Variants in CHLSN observed in about 807,000 individuals in gnomAD.
The protein encoded by CHLSN is protein cholesin.
At chr7:985,808 C>A in the CHLSN span, among the ~76,000 whole-genome samples, 1 of 152,300 alleles carries the variant, frequency 6.6e-6, no homozygotes, top group East Asian at 1.9e-4. Context: ...GTGCGTTTAC[C>A]GAAGCCTGCA....
At chr7:988,122 G>T in the CHLSN span, among the ~76,000 whole-genome samples, 2 of 152,118 alleles carry the variant, frequency 1.3e-5, no homozygotes, top group Admixed American at 1.3e-4. Context: ...GGGGTCATGT[G>T]GCCTCCCTGG....
the CHLSN span, among the ~76,000 whole-genome samples, chr7:1,122,716 G>T: frequency 1.3e-5 from 2 of 152,172 alleles, no homozygotes; most frequent in African/African-American, 4.8e-5. Context: ...AGGCCTGGAA[G>T]GGTTAAAGGA....
At chr7:1,119,140 A>C in the CHLSN span, among the ~76,000 whole-genome samples, 825 of 152,266 alleles carry the variant, frequency 5.4e-3, 8 homozygotes, top group African/African-American at 0.019. Flanking sequence ...TTAATAGGAT[A>C]TTCTAACCAG....
At chr7:1,067,214 A>G in the CHLSN span, among the ~76,000 whole-genome samples, 1 of 140,126 alleles carries the variant, frequency 7.1e-6, no homozygotes, top group African/African-American at 2.7e-5. Context: ...CACAGGCTGG[A>G]GTGCACCCCA....
At chr7:992,170 G>A in the CHLSN span, among the ~76,000 whole-genome samples, 57 of 151,720 alleles carry the variant, frequency 3.8e-4, no homozygotes, top group Admixed American at 7.2e-4. Flanking sequence ...CAGGAGGGAC[G>A]CCGACCCCGG....
At chr7:1,103,785 C>T in the CHLSN span, among the ~76,000 whole-genome samples, 57 of 152,360 alleles carry the variant, frequency 3.7e-4, no homozygotes, top group Admixed American at 6.5e-4. Context: ...GACGGGTCTG[C>T]GGTTGTCCCC....
chr7:992,389 G>GC, the CHLSN span, among the ~76,000 whole-genome samples: 196 of 152,258 alleles, frequency 1.3e-3, no homozygotes, highest in African/African-American at 4.1e-3. Context: ...GGAGGGTGAG[G>GC]CCCCCCCACA....
At chr7:997,676 G>C in the CHLSN span, 48 of 1,610,520 alleles carry the variant, frequency 3.0e-5, 1 homozygote, top group African/African-American at 1.5e-4. Flanking sequence ...TCCCCGGCAG[G>C]GGGGGATCAG....
the CHLSN span, among the ~76,000 whole-genome samples, chr7:1,106,312 G>C: frequency 6.6e-6 from 1 of 152,202 alleles, no homozygotes; most frequent in Non-Finnish European, 1.5e-5. Context: ...CTGGGCATCA[G>C]AGGGCCATCC....
the CHLSN span, among the ~76,000 whole-genome samples, chr7:1,135,796 C>CACAA: frequency 1.1e-4 from 12 of 112,780 alleles, no homozygotes; most frequent in South Asian, 2.6e-3. Context: ...TATATATACA[C>CACAA]AATTTATTTA....
At chr7:1,000,545 G>A in the CHLSN span, 1 of 1,604,974 alleles carries the variant, frequency 6.2e-7, no homozygotes, top group Non-Finnish European at 8.5e-7. Flanking sequence ...TGTGCTTTTG[G>A]GCCCATCTAG....
At chr7:1,083,809 G>A in the CHLSN span, among the ~76,000 whole-genome samples, 9 of 152,150 alleles carry the variant, frequency 5.9e-5, no homozygotes, top group Non-Finnish European at 1.2e-4. Flanking sequence ...ACGCGCCCAC[G>A]TCCACCAGTG....
At chr7:1,027,902 C>T in the CHLSN span, among the ~76,000 whole-genome samples, 5 of 152,200 alleles carry the variant, frequency 3.3e-5, no homozygotes, top group Admixed American at 2.6e-4. Context: ...CCCGGTCCGC[C>T]CCCACAGCGC....
the CHLSN span, chr7:997,527 C>G: frequency 8.9e-7 from 1 of 1,120,860 alleles, no homozygotes; most frequent in Non-Finnish European, 1.2e-6. Context: ...AGCCGCTGCC[C>G]TGCTGGTGAA....
the CHLSN span, among the ~76,000 whole-genome samples, chr7:1,070,570 G>A: frequency 7.6e-6 from 1 of 131,408 alleles, no homozygotes; most frequent in Non-Finnish European, 1.7e-5. Flanking sequence ...GTGCACACAC[G>A]CAAACACGCA....
At chr7:1,092,958 G>A in the CHLSN span, 7 of 1,153,040 alleles carry the variant, frequency 6.1e-6, no homozygotes, top group South Asian at 7.9e-5. Flanking sequence ...ACTGCGGTCA[G>A]ATGTGGCTTC....
the CHLSN span, among the ~76,000 whole-genome samples, chr7:1,063,811 T>C: frequency 6.6e-6 from 1 of 152,202 alleles, no homozygotes; most frequent in African/African-American, 2.4e-5. Flanking sequence ...CCTGGTTTGA[T>C]CTGAATGTGG....
the CHLSN span, among the ~76,000 whole-genome samples, chr7:1,130,751 G>A: frequency 3.3e-5 from 5 of 152,338 alleles, no homozygotes; most frequent in Admixed American, 6.5e-5. Context: ...GTGCTGGGGA[G>A]CCAAGAGACA....
chr7:1,067,749 G>C, the CHLSN span, among the ~76,000 whole-genome samples: 3 of 139,708 alleles, frequency 2.1e-5, no homozygotes. Flanking sequence ...ACACAGGCTG[G>C]AGTGCATCCC....
Sources: gnomAD v4.1 joint callset for allele counts (sites outside exome capture counted in the v4.1 genomes callset) on GRCh38, gnomAD v4.1.1 for gene constraint, MANE v1.5 for transcripts, NCBI Gene and HGNC (gene_info 2026-07-23, HGNC 2026-07-21) for gene names.